The following PKNOX2 variants were observed in gnomAD, a reference collection of about 807,000 sequenced individuals.
The protein encoded by PKNOX2 is homeobox protein PKNOX2.
Under a neutral mutation model 53.1 loss-of-function variants are expected in PKNOX2, and 14 were observed. The ratio of observed to expected loss-of-function variants is 0.26; its 90% CI spans 0.17 to 0.41. The LOEUF (loss-of-function observed/expected upper bound fraction) is 0.41, where lower values mean the gene tolerates loss of function less well. PKNOX2 is among the 10% of genes least tolerant of loss of function. The probability of loss-of-function intolerance (pLI) is 1.00; values close to 1 mark genes in which losing one functional copy is unlikely to be tolerated. For missense variants in PKNOX2, 496 were observed against 602.8 expected, an observed-to-expected ratio of 0.82 and a Z score of 1.85; for synonymous variants, 257 against 242.8, an observed-to-expected ratio of 1.06 and a Z score of -0.54.
intron 2 of PKNOX2, among the ~76,000 whole-genome samples, chr11:125,247,276 G>A (rs1195876271): frequency 6.6e-6 from 1 of 152,134 alleles, no homozygotes; most frequent in Non-Finnish European, 1.5e-5. Context: ...TACCTGGTTG[G>A]AACCCAGTTT....
intron 2 of PKNOX2, among the ~76,000 whole-genome samples, chr11:125,306,494 C>T (rs1004998608): frequency 3.3e-5 from 5 of 152,138 alleles, no homozygotes; most frequent in Non-Finnish European, 7.3e-5. Flanking sequence ...AAGGCTGGTA[C>T]TACCAGAGAA....
chr11:125,199,878 A>G (rs1938230152), intron 1 of PKNOX2, among the ~76,000 whole-genome samples: 1 of 152,192 alleles, frequency 6.6e-6, no homozygotes, highest in Admixed American at 6.5e-5. Flanking sequence ...AAAACAAAAC[A>G]AAACTTACTG....
At chr11:125,189,524 A>C (rs1956740206) in intron 1 of PKNOX2, among the ~76,000 whole-genome samples, 1 of 133,346 alleles carries the variant, frequency 7.5e-6, no homozygotes, top group South Asian at 2.5e-4. Context: ...GCCCTGCCCC[A>C]TCACCTTAAC....
chr11:125,423,179 A>T (rs1382042281), intron 10 of PKNOX2, among the ~76,000 whole-genome samples: 2 of 152,282 alleles, frequency 1.3e-5, no homozygotes, highest in Non-Finnish European at 2.9e-5. Flanking sequence ...ACAGAAGAAG[A>T]AACTAAGTAA....
At chr11:125,254,822 A>G (rs1263294771) in intron 2 of PKNOX2, among the ~76,000 whole-genome samples, 1 of 139,844 alleles carries the variant, frequency 7.2e-6, no homozygotes, top group Admixed American at 6.9e-5. Context: ...TCTAAGTCTG[A>G]GGTCCCAAGG....
intron 6 of PKNOX2, among the ~76,000 whole-genome samples, chr11:125,395,687 T>C (rs1238823423): frequency 1.3e-5 from 2 of 152,232 alleles, no homozygotes; most frequent in Admixed American, 1.3e-4. Context: ...TGACATTGAA[T>C]ATCTTCTCTT....
intron 10 of PKNOX2, among the ~76,000 whole-genome samples, chr11:125,419,477 G>A (rs1481780214): frequency 6.6e-6 from 1 of 150,782 alleles, no homozygotes; most frequent in African/African-American, 2.5e-5. Context: ...CAAGAAAATG[G>A]CTTAGGGAGA....
chr11:125,332,289 G>T (rs1190217248), intron 3 of PKNOX2, among the ~76,000 whole-genome samples: 4 of 152,036 alleles, frequency 2.6e-5, no homozygotes, highest in African/African-American at 7.2e-5. Flanking sequence ...GTGGTGGCGG[G>T]GTGGGGTGGG....
intron 1 of PKNOX2, among the ~76,000 whole-genome samples, chr11:125,230,082 G>A (rs1942072082): frequency 6.6e-6 from 1 of 152,336 alleles, no homozygotes; most frequent in African/African-American, 2.4e-5. Context: ...GGGCCTGAGG[G>A]GTGTCACAGA....
intron 3 of PKNOX2, among the ~76,000 whole-genome samples, chr11:125,347,136 C>A (rs1050915403): frequency 1.3e-5 from 2 of 152,164 alleles, no homozygotes; most frequent in Admixed American, 1.3e-4. Flanking sequence ...TCACCCTTGT[C>A]CTTGTGCCAG....
rs753211466 is a variant in PKNOX2, at chr11:125,430,020, T to C, written c.1071T>C (p.Asp357=). The change falls in exon 12 of 13, where the codon GAT becomes GAC. Residue 357 remains aspartate (D), a synonymous_variant. Coordinates refer to ENST00000298282, the MANE Select transcript of PKNOX2 (RefSeq NM_001382323.2). ...CCATGCTTGATGCCAGCAACCCAGA[T>C]CCTGCCCCCAAAGCCAAGAAGATCA... The part of the protein sequence containing the change: ...LQPMLDASNP[D]PAPKAKKIKS... 1.9e-6 allele frequency: 3 copies of C among 1,614,116 alleles called. No individual in the cohort carries two copies. Among genetic ancestry groups the C allele is most frequent in the East Asian group, 4.5e-5 (2 of 44,856 alleles).
chr11:125,167,918 T>A (rs1029974265), intron 1 of PKNOX2, among the ~76,000 whole-genome samples: 1 of 152,158 alleles, frequency 6.6e-6, no homozygotes, highest in African/African-American at 2.4e-5. Flanking sequence ...AAAGACGAGT[T>A]TGCTTCTTTT....
At chr11:125,410,103 G>T in intron 7 of PKNOX2, 93 bp from the exon 8 acceptor site, 1 of 1,496,904 alleles carries the variant, frequency 6.7e-7, no homozygotes, top group South Asian at 1.4e-5. Context: ...GAGGGGGGCA[G>T]GCAGGAAGGG....
chr11:125,390,263 G>C (rs573016541), intron 6 of PKNOX2, among the ~76,000 whole-genome samples: 2 of 152,202 alleles, frequency 1.3e-5, no homozygotes, highest in African/African-American at 2.4e-5. Context: ...CCCATTTTAA[G>C]AGGAGGCAAT....
intron 5 of PKNOX2, among the ~76,000 whole-genome samples, chr11:125,379,684 G>A (rs890025986): frequency 6.6e-6 from 1 of 152,114 alleles, no homozygotes; most frequent in African/African-American, 2.4e-5. Flanking sequence ...CAGGGCTGCA[G>A]CCAACATACT....
chr11:125,428,185 T>C (rs1956519245), intron 10 of PKNOX2, among the ~76,000 whole-genome samples: 1 of 152,100 alleles, frequency 6.6e-6, no homozygotes, highest in South Asian at 2.1e-4. Flanking sequence ...GGGAGACAGA[T>C]GCGTAGTCAG....
Position 125,431,272 on chromosome 11 carries a change from AGAAGAG to A in PKNOX2, c.1302_1307del (p.Glu434_Glu435del). On this transcript the variant is annotated inframe_deletion, in exon 13 of 13. Coordinates refer to ENST00000298282, the MANE Select transcript of PKNOX2 (RefSeq NM_001382323.2). The stretch of plus-strand genomic sequence containing the variant: ...ACGATGACTCATTGGATGGGACAGA[AGAAGAG>A]GATGAGGATGAGATGGAAGAGGAGG... 1.9e-6 allele frequency: 3 copies of A among 1,613,738 alleles called. No homozygotes were observed. The highest frequency in any genetic ancestry group is 8.5e-7 in the Non-Finnish European group (1 of 1,179,920).
At chr11:125,398,811 T>C (rs1439133440) in intron 7 of PKNOX2, among the ~76,000 whole-genome samples, 1 of 152,186 alleles carries the variant, frequency 6.6e-6, no homozygotes, top group East Asian at 1.9e-4. Flanking sequence ...GCCACAGGCT[T>C]GAGACTTTGT....
intron 4 of PKNOX2, among the ~76,000 whole-genome samples, chr11:125,357,266 C>A (rs1466014139): frequency 1.3e-5 from 2 of 152,160 alleles, no homozygotes; most frequent in African/African-American, 2.4e-5. Context: ...TCCCTGAACT[C>A]CAACTTACTC....
Sources: allele counts gnomAD v4.1 joint callset (sites outside exome capture counted in the v4.1 genomes callset), GRCh38; gene constraint gnomAD v4.1.1; transcripts MANE v1.5; gene names NCBI Gene and HGNC (gene_info 2026-07-23, HGNC 2026-07-21).